The following KLHL1 variants were observed in gnomAD, a reference collection of about 807,000 sequenced individuals.
KLHL1 encodes the protein kelch-like protein 1.
In KLHL1, 47 loss-of-function variants were observed where a neutral mutation model predicts 77.7. That is an observed-to-expected ratio of 0.60 (90% CI 0.48 to 0.77). The LOEUF (loss-of-function observed/expected upper bound fraction) is 0.77. Among genes scored for constraint, KLHL1 ranks in the 30% least tolerant of loss-of-function variants. The pLI is 0.00. For synonymous variants in KLHL1, 360 were observed against 325.2 expected (o/e 1.11, Z -1.15); for missense variants, 925 against 910.8 (o/e 1.02, Z -0.20).
At chr13:69,799,472 C>A (rs557939585) in intron 6 of KLHL1, among the ~76,000 whole-genome samples, 47 of 152,276 alleles carry the variant, frequency 3.1e-4, no homozygotes, top group African/African-American at 1.0e-3. Flanking sequence ...GGATTTTTAA[C>A]CTTTACAGTT....
chr13:70,012,630 G>T (rs1885562316), intron 1 of KLHL1, among the ~76,000 whole-genome samples: 1 of 152,116 alleles, frequency 6.6e-6, no homozygotes, highest in African/African-American at 2.4e-5. Flanking sequence ...AAACTCTAAG[G>T]CCAGGCACTG....
chr13:70,090,079 T>C (rs191685156), intron 1 of KLHL1, among the ~76,000 whole-genome samples: 10 of 152,224 alleles, frequency 6.6e-5, no homozygotes, highest in Admixed American at 2.0e-4. Context: ...TGTTTTTATA[T>C]GGGAAATGAA....
chr13:70,049,275 ATTCTT>A (rs1886575355), intron 1 of KLHL1, among the ~76,000 whole-genome samples: 1 of 152,160 alleles, frequency 6.6e-6, no homozygotes, highest in East Asian at 1.9e-4. Context: ...ACCAAACCTA[ATTCTT>A]TTATTTCTTG....
At chr13:69,903,254 T>C (rs2138230259) in intron 4 of KLHL1, among the ~76,000 whole-genome samples, 1 of 152,236 alleles carries the variant, frequency 6.6e-6, no homozygotes, top group Non-Finnish European at 1.5e-5. Context: ...CAAGATAAAC[T>C]GCAGCCAGAA....
intron 3 of KLHL1, among the ~76,000 whole-genome samples, chr13:69,948,727 C>A (rs557767387): frequency 6.6e-6 from 1 of 152,030 alleles, no homozygotes; most frequent in African/African-American, 2.4e-5. Context: ...CAATGTGGTT[C>A]TATTTCTTAT....
At chr13:69,818,684 C>T (rs553897326) in intron 6 of KLHL1, among the ~76,000 whole-genome samples, 1 of 152,214 alleles carries the variant, frequency 6.6e-6, no homozygotes, top group South Asian at 2.1e-4. Context: ...TGAAATGGAA[C>T]TGAGCTTTGG....
intron 10 of KLHL1, among the ~76,000 whole-genome samples, chr13:69,702,848 T>C (rs1875458260): frequency 6.6e-6 from 1 of 151,682 alleles, no homozygotes; most frequent in African/African-American, 2.4e-5. Context: ...AATATATTCG[T>C]GACATATTTG....
chr13:70,091,024 T>G (rs1943442027), intron 1 of KLHL1, among the ~76,000 whole-genome samples: 1 of 152,080 alleles, frequency 6.6e-6, no homozygotes, highest in Non-Finnish European at 1.5e-5. Context: ...TTTACTTGGA[T>G]TTTCTATCTT....
At chr13:69,768,716 A>G (rs1275580883) in intron 7 of KLHL1, among the ~76,000 whole-genome samples, 1 of 152,150 alleles carries the variant, frequency 6.6e-6, no homozygotes, top group Non-Finnish European at 1.5e-5. Flanking sequence ...TAATAACTTC[A>G]TTAGTTAATA....
At chr13:69,779,822 A>G (rs2137999979) in intron 7 of KLHL1, among the ~76,000 whole-genome samples, 1 of 151,726 alleles carries the variant, frequency 6.6e-6, no homozygotes, top group South Asian at 2.1e-4. Flanking sequence ...ATTTTATTTT[A>G]TATTTTTTGA....
At chr13:70,022,010 T>C in intron 1 of KLHL1, among the ~76,000 whole-genome samples, 1 of 152,128 alleles carries the variant, frequency 6.6e-6, no homozygotes, top group African/African-American at 2.4e-5. Context: ...TTTATCAATT[T>C]TTTCAGAGAT....
chr13:69,782,200 C>T (rs562761981), intron 7 of KLHL1, among the ~76,000 whole-genome samples: 2 of 152,264 alleles, frequency 1.3e-5, no homozygotes, highest in Non-Finnish European at 2.9e-5. Flanking sequence ...GATGGCCGAA[C>T]AGGAACAGCT....
chr13:69,953,672 C>T (rs146978673), intron 3 of KLHL1, among the ~76,000 whole-genome samples: 1,558 of 151,076 alleles, frequency 0.01, 26 homozygotes, highest in African/African-American at 0.035. Flanking sequence ...AGCAAAATTA[C>T]AAGCTAGTTG....
intron 7 of KLHL1, among the ~76,000 whole-genome samples, chr13:69,762,276 A>G (rs981308178): frequency 4.6e-5 from 7 of 152,132 alleles, no homozygotes; most frequent in Admixed American, 1.3e-4. Context: ...GGTATTGATG[A>G]TTGATGACAA....
intron 10 of KLHL1, among the ~76,000 whole-genome samples, chr13:69,704,150 G>A (rs1364928852): frequency 6.6e-6 from 1 of 151,536 alleles, no homozygotes; most frequent in Non-Finnish European, 1.5e-5. Flanking sequence ...ATAGATGCAT[G>A]TGTGTATGTG....
chr13:69,996,910 A>ATTTTTTTTTTTTTTTTTTTTTTTT (rs10549532), intron 1 of KLHL1, among the ~76,000 whole-genome samples: 2 of 71,240 alleles, frequency 2.8e-5, no homozygotes, highest in African/African-American at 1.1e-4. Flanking sequence ...TATTCATTAA[A>ATTTTTTTTTTTTTTTTTTTTTTTT]TTTTTTTTTT....
At chr13:69,741,212 A>T (rs1873975276) in intron 7 of KLHL1, among the ~76,000 whole-genome samples, 1 of 152,174 alleles carries the variant, frequency 6.6e-6, no homozygotes, top group African/African-American at 2.4e-5. Context: ...GATATATATA[A>T]CTAGTACTCA....
At chr13:69,852,210 G>T (rs928572878) in intron 5 of KLHL1, among the ~76,000 whole-genome samples, 1 of 151,826 alleles carries the variant, frequency 6.6e-6, no homozygotes, top group Non-Finnish European at 1.5e-5. Context: ...TCCTTGAGAG[G>T]GATACATCTG....
intron 1 of KLHL1, among the ~76,000 whole-genome samples, chr13:70,030,984 GAAA>G (rs1178690157): frequency 6.6e-6 from 1 of 152,146 alleles, no homozygotes; most frequent in Non-Finnish European, 1.5e-5. Context: ...AAATAAACTA[GAAA>G]ATCTAGAAGA....
Sources: allele counts gnomAD v4.1 joint callset (sites outside exome capture counted in the v4.1 genomes callset), GRCh38; gene constraint gnomAD v4.1.1; transcripts MANE v1.5; gene names NCBI Gene and HGNC (gene_info 2026-07-23, HGNC 2026-07-21).